Variants in DIP2A observed in about 807,000 individuals in gnomAD.
DIP2A encodes DIP2 acetate--CoA ligase A.
A neutral mutation model predicts 177.4 loss-of-function variants in DIP2A; 85 were observed. The observed-to-expected ratio is 0.48, with a 90% CI of 0.40 to 0.57. DIP2A has a LOEUF of 0.57. DIP2A is among the 20% of genes least tolerant of loss of function. The probability of loss-of-function intolerance (pLI) is 0.00; values close to 1 mark genes in which losing one functional copy is unlikely to be tolerated. For synonymous variants in DIP2A, 886 were observed against 881.8 expected (o/e 1.00, Z -0.08); for missense variants, 1,791 against 2,100.2 (o/e 0.85, Z 2.88).
At chr21:46,489,301 G>A (rs905684539) in intron 2 of DIP2A, among the ~76,000 whole-genome samples, 1 of 152,242 alleles carries the variant, frequency 6.6e-6, no homozygotes, top group East Asian at 1.9e-4. Context: ...TGTAGGCCCA[G>A]CTCAAATGTT....
chr21:46,516,655 G>C (rs964962557), intron 8 of DIP2A, among the ~76,000 whole-genome samples: 2 of 151,708 alleles, frequency 1.3e-5, no homozygotes, highest in East Asian at 3.9e-4. Flanking sequence ...ACCGCACCCA[G>C]CTAATTTTTT....
chr21:46,514,627 T>TC (rs1236508177), intron 8 of DIP2A, among the ~76,000 whole-genome samples: 2 of 139,828 alleles, frequency 1.4e-5, no homozygotes, highest in Non-Finnish European at 1.5e-5. Context: ...CTTTTTTTTT[T>TC]TTTTTTTTTT....
At chr21:46,570,269 C>G (rs1346130612), downstream of DIP2A, among the ~76,000 whole-genome samples, 1 of 152,110 alleles carries the variant, frequency 6.6e-6, no homozygotes, top group Non-Finnish European at 1.5e-5. Flanking sequence ...AGGATGACAG[C>G]ATGGAAAAGG....
chr21:46,559,112 A>C (rs969084268), intron 32 of DIP2A: 5 of 151,790 alleles, frequency 3.3e-5, no homozygotes, highest in African/African-American at 9.7e-5. Flanking sequence ...AAAAAAAAAA[A>C]AAAAAAAAAA....
chr21:46,566,746 G>A (rs1049813467), intron 37 of DIP2A, 63 bp downstream of exon 37: 1 of 1,602,262 alleles, frequency 6.2e-7, no homozygotes, highest in African/African-American at 1.3e-5. Flanking sequence ...GGGCATGAGT[G>A]CTGTGCATCG....
intron 34 of DIP2A, 187 bp downstream of exon 34, chr21:46,561,992 T>C: frequency 2.2e-6 from 2 of 908,548 alleles, no homozygotes; most frequent in Non-Finnish European, 2.6e-6. Flanking sequence ...TACTTAGTTA[T>C]GTTTTTAAAC....
Position 46,556,873 on chromosome 21 carries a change from C to A in DIP2A, c.3499-66C>A. On this transcript the variant is annotated intron_variant, in intron 29 of 37. Transcript: ENST00000417564. The surrounding 1 kb of genome is among the most constrained non-coding windows in gnomAD (Gnocchi z 4.5). ...TAGCCATGTGAACAGCGGACACTGC[C>A]ATCCACCCTCTCCCCTCCTGAATTT... is the stretch of plus-strand genomic sequence containing the variant. 1 of 1,394,380 alleles carries A rather than the reference C, an allele frequency of 7.2e-7. No homozygotes were observed. The highest frequency in any genetic ancestry group is 9.7e-7 in the Non-Finnish European group (1 of 1,034,930). The allele number at this position is 1,394,380 out of a possible 1,614,324, so 86.4% of individuals were successfully genotyped here. A position where few individuals can be genotyped will look rare whatever the true frequency, so the allele number is the denominator to read the frequency against.
chr21:46,546,031 T>C (rs1338569183), intron 20 of DIP2A, 70 bp downstream of exon 20: 11 of 1,608,492 alleles, frequency 6.8e-6, no homozygotes, highest in Admixed American at 1.7e-5. Context: ...GGACACCTCG[T>C]TGCAGCCCCA....
At chr21:46,480,228 G>A (rs1198029898) in intron 1 of DIP2A, among the ~76,000 whole-genome samples, 1 of 152,130 alleles carries the variant, frequency 6.6e-6, no homozygotes, top group Non-Finnish European at 1.5e-5. Context: ...TCACAATCAT[G>A]GCAGAAGATG....
At chr21:46,545,664 C>G (rs2060000634) in intron 19 of DIP2A, among the ~76,000 whole-genome samples, 1 of 152,248 alleles carries the variant, frequency 6.6e-6, no homozygotes, top group Non-Finnish European at 1.5e-5. Context: ...GCACCCAGAG[C>G]AGAGGTAAAA....
In DIP2A at chr21:46,534,597, A is replaced by G; in HGVS notation, c.1552A>G (p.Lys518Glu). ...TGAAATCTTTCAGTATAAAACCAGC[A>G]AAGAAGGCAGTACGGTGGGGGTCAC... is the stretch of plus-strand genomic sequence containing the variant. ...GTAYIEYKTS[K>E]EGSTVGVTVS... is the part of the protein sequence containing the mutation. The change falls in exon 13 of 38, where the codon AAA becomes GAA. Residue 518 changes from lysine (K) to glutamate (E), a missense_variant. Lys to Glu is a moderately conservative substitution (Grantham distance 56). Transcript: ENST00000417564. 1 of 1,613,660 alleles carries G rather than the reference A, an allele frequency of 6.2e-7. No individual in the cohort carries two copies. Among genetic ancestry groups the G allele is most frequent in the Non-Finnish European group, 8.5e-7 (1 of 1,179,882 alleles).
chr21:46,554,528 G>A (rs951749991), intron 26 of DIP2A, 47 bp from the exon 27 acceptor site: 1 of 1,597,560 alleles, frequency 6.3e-7, no homozygotes, highest in Admixed American at 1.7e-5. Flanking sequence ...AGGCTGGTGG[G>A]AGCCTCTTGC....
rs184572421 is a variant in DIP2A at position 46,469,524 on chromosome 21, C to T, written c.91+10302C>T. 1.0e-3 allele frequency among the ~76,000 whole-genome samples: 153 copies of T among 151,848 alleles called. 1 individual carries two copies. The highest frequency in any genetic ancestry group is 3.3e-3 in the African/African-American group (137 of 41,374). ...GCCTCACTGGTGTGGAGCTCGATGA[C>T]GTACATCTAATCTAATAGTTTGTTT... On this transcript the variant is annotated intron_variant, in intron 1 of 37. Transcript: ENST00000417564.
chr21:46,480,327 GACTT>G (rs2056253650), intron 1 of DIP2A, among the ~76,000 whole-genome samples: 1 of 152,132 alleles, frequency 6.6e-6, no homozygotes, highest in Admixed American at 6.5e-5. Flanking sequence ...GATCTTGTGA[GACTT>G]ACTATCCGGA....
chr21:46,551,793 G>A, intron 24 of DIP2A, 31 bp from the exon 25 acceptor site: 1 of 1,613,026 alleles, frequency 6.2e-7, no homozygotes. Flanking sequence ...TGCCCCGGAG[G>A]CGCCAGTGAG....
At chr21:46,489,424 G>A (rs1230128372) in intron 2 of DIP2A, among the ~76,000 whole-genome samples, 2 of 152,220 alleles carry the variant, frequency 1.3e-5, no homozygotes, top group South Asian at 2.1e-4. Context: ...TCCTGCTGCC[G>A]AGCACCTGGC....
Position 46,566,568 on chromosome 21 carries a change from G to A in DIP2A, c.4348G>A (p.Asp1450Asn), listed in dbSNP as rs537914823. 16 of 1,614,060 alleles carry A rather than the reference G, an allele frequency of 9.9e-6. No individual in the cohort carries two copies. The highest frequency in any genetic ancestry group is 3.3e-5 in the South Asian group (3 of 91,076). ...ELTDASGGRH[D>N]ALYVVGSLDE... ...ACACACACTGTTCACAGGGCGGCAC[G>A]ATGCACTGTATGTGGTTGGGTCTCT... The change falls in exon 37 of 38, where the codon GAT becomes AAT. Residue 1450 changes from aspartate to asparagine, a missense_variant. Transcript: ENST00000417564.
At chr21:46,517,738 C>G (rs1393410977) in intron 8 of DIP2A, among the ~76,000 whole-genome samples, 1 of 152,248 alleles carries the variant, frequency 6.6e-6, no homozygotes, top group Non-Finnish European at 1.5e-5. Flanking sequence ...TGGCTGTGCT[C>G]TCGAGACTCC....
chr21:46,557,993 C>T lies in DIP2A; in HGVS notation c.3799-230C>T, dbSNP rs1294756392. ...GTAGGGCAGGGTCCCTGCGAGATAG[C>T]GGGGTGGAAGTCTGGCCGCGTGGGA... On this transcript the variant is annotated intron_variant, in intron 31 of 37. Transcript: ENST00000417564. The surrounding 1 kb of genome is among the most constrained non-coding windows in gnomAD (Gnocchi z 6.0). Among the ~76,000 whole-genome samples the T allele has an allele frequency of 2.0e-5, 3 of 152,170 alleles. No homozygotes were observed. The highest frequency in any genetic ancestry group is 7.2e-5 in the African/African-American group (3 of 41,442).
Sources: gnomAD v4.1 joint callset for allele counts (sites outside exome capture counted in the v4.1 genomes callset) on GRCh38, gnomAD v4.1.1 for gene constraint, Gnocchi (gnomAD v3.1) non-coding constraint, MANE v1.5 for transcripts, NCBI Gene and HGNC (gene_info 2026-07-23, HGNC 2026-07-21) for gene names.